Variants in SPECC1L observed in about 807,000 individuals in gnomAD.
SPECC1L encodes sperm antigen with calponin homology and coiled-coil domains 1 like.
A neutral mutation model predicts 116.8 loss-of-function variants in SPECC1L; 40 were observed. The observed-to-expected ratio is 0.34, with a 90% CI of 0.27 to 0.45. SPECC1L has a LOEUF of 0.45. Among genes scored for constraint, SPECC1L ranks in the 20% least tolerant of loss-of-function variants. The probability of loss-of-function intolerance (pLI) is 1.00; values close to 1 mark genes in which losing one functional copy is unlikely to be tolerated. For missense variants in SPECC1L, 1,110 were observed against 1,373.6 expected, an observed-to-expected ratio of 0.81 and a Z score of 3.03; for synonymous variants, 504 against 500.6, an observed-to-expected ratio of 1.01 and a Z score of -0.09.
chr22:24,393,498 A>G (rs1489742086), intron 14 of SPECC1L, among the ~76,000 whole-genome samples: 1 of 152,226 alleles, frequency 6.6e-6, no homozygotes, highest in African/African-American at 2.4e-5. Context: ...GATATCTTCC[A>G]TCAGACATCA....
intron 14 of SPECC1L, among the ~76,000 whole-genome samples, chr22:24,395,165 TTTTTC>T (rs2042343497): frequency 1.3e-5 from 2 of 152,216 alleles, no homozygotes; most frequent in South Asian, 4.1e-4. Context: ...ATTTATACAT[TTTTTC>T]TTTTATGAAG....
intron 14 of SPECC1L, among the ~76,000 whole-genome samples, chr22:24,402,001 G>A (rs1022291275): frequency 2.6e-5 from 4 of 152,156 alleles, no homozygotes; most frequent in Admixed American, 6.5e-5. Context: ...TACCTCGGCC[G>A]CCTGCCCTGC....
chr22:24,365,118 C>A (rs1382000387), intron 12 of SPECC1L, among the ~76,000 whole-genome samples: 1 of 152,104 alleles, frequency 6.6e-6, no homozygotes, highest in African/African-American at 2.4e-5. Flanking sequence ...AGCAATTCTC[C>A]TGCCCCAGCC....
In SPECC1L at chr22:24,417,228, A is replaced by C. The variant is rs2042816963; in HGVS notation, c.*2605A>C. 1 of 152,578 alleles carries C rather than the reference A, an allele frequency of 6.6e-6. No homozygotes were observed. The highest frequency in any genetic ancestry group is 2.4e-5 in the African/African-American group (1 of 41,458). 9.5% of individuals were successfully genotyped at this position (152,578 alleles called of 1,614,324 possible). On this transcript the variant is annotated 3_prime_UTR_variant, in exon 17 of 17. Transcript: ENST00000314328. ...ATGTTGTTCTAGTAAATATTCTTGA[A>C]TGTATTAAAATGGCTGAAACAACAA...
chr22:24,346,144 T>C (rs1004525500), intron 10 of SPECC1L, among the ~76,000 whole-genome samples: 1 of 151,994 alleles, frequency 6.6e-6, no homozygotes, highest in Non-Finnish European at 1.5e-5. Flanking sequence ...GTAGCTGAGA[T>C]TACAGGCGCC....
At chr22:24,351,967 G>A (rs2041433539) in intron 11 of SPECC1L, among the ~76,000 whole-genome samples, 1 of 150,816 alleles carries the variant, frequency 6.6e-6, no homozygotes, top group Non-Finnish European at 1.5e-5. Context: ...CCAGCCTGGG[G>A]AATAGAGCGA....
At chr22:24,293,313 C>T (rs536363656) in intron 2 of SPECC1L, among the ~76,000 whole-genome samples, 5 of 152,122 alleles carry the variant, frequency 3.3e-5, no homozygotes, top group Non-Finnish European at 5.9e-5. Flanking sequence ...ATTAACGGGG[C>T]GTGGTGGTAC....
At chr22:24,405,658 G>C (rs1014564653) in intron 14 of SPECC1L, among the ~76,000 whole-genome samples, 13 of 151,990 alleles carry the variant, frequency 8.6e-5, no homozygotes, top group African/African-American at 3.1e-4. Context: ...TGACCAACAT[G>C]GTGAAACCTC....
At chr22:24,315,126 C>T (rs906098011) in intron 4 of SPECC1L, among the ~76,000 whole-genome samples, 4 of 152,246 alleles carry the variant, frequency 2.6e-5, no homozygotes, top group African/African-American at 7.2e-5. Flanking sequence ...TTTCTGTCAT[C>T]GTAATTTAGG....
At chr22:24,379,610 T>C (rs889090107) in intron 14 of SPECC1L, among the ~76,000 whole-genome samples, 3 of 152,192 alleles carry the variant, frequency 2.0e-5, no homozygotes, top group East Asian at 1.9e-4. Flanking sequence ...AAATATGATA[T>C]AGGATGGTTA....
intron 13 of SPECC1L, among the ~76,000 whole-genome samples, chr22:24,366,284 C>G (rs1245576529): frequency 6.6e-6 from 1 of 152,050 alleles, no homozygotes; most frequent in African/African-American, 2.4e-5. Context: ...GCTCCGCCCC[C>G]TGGGGTTCAT....
At chr22:24,388,082 TA>T (rs943854982) in intron 14 of SPECC1L, among the ~76,000 whole-genome samples, 190 of 149,046 alleles carry the variant, frequency 1.3e-3, no homozygotes, top group African/African-American at 4.2e-3. Flanking sequence ...ATTCTTTTTT[TA>T]TTATTATTAT....
At chr22:24,411,496 A>G (rs1053489514) in intron 14 of SPECC1L, 92 bp from the exon 15 acceptor site, 34 of 1,157,730 alleles carry the variant, frequency 2.9e-5, no homozygotes, top group Admixed American at 8.4e-5. Flanking sequence ...TTTGGAGGCC[A>G]TGCAGCATCT....
intron 3 of SPECC1L, among the ~76,000 whole-genome samples, chr22:24,307,744 G>T (rs909764619): frequency 9.3e-5 from 14 of 151,162 alleles, no homozygotes; most frequent in African/African-American, 3.2e-4. Flanking sequence ...TCACTATGTT[G>T]CCCAGGCTTG....
intron 2 of SPECC1L, among the ~76,000 whole-genome samples, chr22:24,294,584 T>C (rs1362822186): frequency 6.6e-6 from 1 of 151,836 alleles, no homozygotes; most frequent in African/African-American, 2.4e-5. Context: ...GGTTTCACCA[T>C]GTTGGCTAGG....
At chr22:24,279,417 C>CAAGGT (rs2048899197) in intron 2 of SPECC1L, among the ~76,000 whole-genome samples, 1 of 152,122 alleles carries the variant, frequency 6.6e-6, no homozygotes, top group African/African-American at 2.4e-5. Flanking sequence ...AATTTAGAGA[C>CAAGGT]AAGGTTTCAC....
At chr22:24,334,037 G>T (rs1163234613) in intron 8 of SPECC1L, among the ~76,000 whole-genome samples, 1 of 147,362 alleles carries the variant, frequency 6.8e-6, no homozygotes, top group East Asian at 2.0e-4. Flanking sequence ...TTTTGAGATG[G>T]AGTCTCGCTC....
rs553672149 is a variant in SPECC1L, at chr22:24,287,658, G to C, written c.-38+10855G>C. Among the ~76,000 whole-genome samples, 58 of 152,306 alleles carry C rather than the reference G, an allele frequency of 3.8e-4. 3 individuals carry two copies. The South Asian group carries it at 0.012, about 30-fold the overall frequency. On this transcript the variant is annotated intron_variant, in intron 2 of 16. Transcript: ENST00000314328. Reference sequence around the variant, plus strand: ...AACCCCTGGGAGCTGTGGTGGGGTGGATGTGGCTGTTGGAGGTGCCCCTAT... The same window carrying C: ...AACCCCTGGGAGCTGTGGTGGGGTGCATGTGGCTGTTGGAGGTGCCCCTAT...
chr22:24,339,352 A>C (rs1488403000), intron 10 of SPECC1L, among the ~76,000 whole-genome samples: 1 of 152,244 alleles, frequency 6.6e-6, no homozygotes. Flanking sequence ...TGCACAAGGC[A>C]TGAATTCAGA....
Sources: allele counts gnomAD v4.1 joint callset (sites outside exome capture counted in the v4.1 genomes callset), GRCh38; gene constraint gnomAD v4.1.1; transcripts MANE v1.5; gene names NCBI Gene and HGNC (gene_info 2026-07-23, HGNC 2026-07-21).